DNAH14: variants seen among roughly 807,000 people sequenced by gnomAD.
The protein encoded by DNAH14 is dynein axonemal heavy chain 14, also known as axonemal beta dynein heavy chain 14.
In DNAH14, 478 loss-of-function variants were observed where a neutral mutation model predicts 520.9. The ratio of observed to expected loss-of-function variants is 0.92; its 90% confidence interval spans 0.85 to 0.99. DNAH14 has a LOEUF of 0.99. DNAH14 is among the 50% of genes least tolerant of loss of function. The pLI, the probability that DNAH14 is intolerant of heterozygous loss-of-function variation, is 0.00. For synonymous variants in DNAH14, 1,581 were observed against 1,757.2 expected (o/e 0.90, Z 2.51); for missense variants, 4,831 against 5,234.5 (o/e 0.92, Z 2.38).
intron 81 of DNAH14, among the ~76,000 whole-genome samples, chr1:225,385,669 C>T (rs1268786202): frequency 6.6e-6 from 1 of 152,164 alleles, no homozygotes; most frequent in Non-Finnish European, 1.5e-5. Context: ...ATCCAACTTA[C>T]AAGGGATGTG....
chr1:225,377,433 T>C lies in DNAH14; in HGVS notation c.12713T>C (p.Ile4238Thr), dbSNP rs1575104251. The C allele has an allele frequency of 6.5e-7, 1 of 1,548,884 alleles. No individual in the cohort carries two copies. Among genetic ancestry groups the C allele is most frequent in the Non-Finnish European group, 8.7e-7 (1 of 1,145,814 alleles). Reference protein sequence around the residue: ...QPKTTTANLMIRPEQSKDELV... With the variant: ...QPKTTTANLMTRPEQSKDELV... ...AAAACTACCACTGCCAACCTCATGA[T>C]CAGGTAAGAACTCGCTAGGAAAAAT... Residue 4238 changes from isoleucine (I) to threonine (T), a missense_variant, in exon 79 of 86, where the codon ATC (isoleucine) becomes ACC (threonine). Coordinates refer to ENST00000682510, the MANE Select transcript of DNAH14 (RefSeq NM_001367479.1).
intron 27 of DNAH14, among the ~76,000 whole-genome samples, chr1:225,137,043 CT>C (rs2079010388): frequency 6.6e-6 from 1 of 152,156 alleles, no homozygotes; most frequent in African/African-American, 2.4e-5. Context: ...TGGCTATCAG[CT>C]CCTGCATTGT....
At position 225,123,558 on chromosome 1, in the gene DNAH14, T is replaced by G. The variant is rs138192112; in HGVS notation, c.4198T>G (p.Cys1400Gly). Residue 1400 changes from cysteine (C) to glycine (G), a missense_variant, in exon 27 of 86, where the codon TGC becomes GGC. By Grantham distance (159) the Cys-to-Gly change is radical. Transcript: ENST00000682510. ...AAGTCAAGGGATTGAAGACTGGAACTGCCAGATGTTTTCCCAATGGGTGTT... is the reference window on the plus strand; with the variant it reads ...AAGTCAAGGGATTGAAGACTGGAACGGCCAGATGTTTTCCCAATGGGTGTT... Reference protein sequence around the residue: ...FLSQGIEDWNCQMFSQWVLSH... With the variant: ...FLSQGIEDWNGQMFSQWVLSH... 19 of 436,280 alleles carry G rather than the reference T, an allele frequency of 4.4e-5. No individual in the cohort carries two copies. In the East Asian group the frequency reaches 1.4e-3, roughly 32 times the overall value. The allele number at this position is 436,280 out of a possible 1,614,324, so 27.0% of individuals were successfully genotyped here. A position where few individuals can be genotyped will look rare whatever the true frequency, so the allele number is the denominator to read the frequency against.
At chr1:225,129,513 G>T (rs1031684748) in intron 27 of DNAH14, among the ~76,000 whole-genome samples, 1 of 151,830 alleles carries the variant, frequency 6.6e-6, no homozygotes, top group South Asian at 2.1e-4. Flanking sequence ...AAATAATGCC[G>T]CATATCTACA....
chr1:225,147,830 C>T (rs762074922), intron 31 of DNAH14, among the ~76,000 whole-genome samples: 3 of 152,154 alleles, frequency 2.0e-5, no homozygotes, highest in Non-Finnish European at 4.4e-5. Flanking sequence ...TTGTTCCTCA[C>T]TATAAGTCCA....
intron 16 of DNAH14, 129 bp downstream of exon 16, chr1:225,050,505 T>G: frequency 1.0e-6 from 1 of 970,962 alleles, no homozygotes; most frequent in African/African-American, 1.7e-5. Flanking sequence ...ATTTCCAGCT[T>G]ATCTCCCCAT....
intron 84 of DNAH14, among the ~76,000 whole-genome samples, chr1:225,394,894 C>G (rs1449573475): frequency 1.3e-5 from 2 of 150,772 alleles, no homozygotes; most frequent in African/African-American, 4.9e-5. Context: ...GAGGTGAGAT[C>G]AAAGTTCTTT....
At chr1:225,229,771 T>TG (rs1469905978) in intron 41 of DNAH14, among the ~76,000 whole-genome samples, 1 of 147,256 alleles carries the variant, frequency 6.8e-6, no homozygotes, top group African/African-American at 2.5e-5. Context: ...CTGTCAGGGG[T>TG]GGGGGTCAAG....
At chr1:224,960,622 A>G (rs1171105733) in intron 4 of DNAH14, among the ~76,000 whole-genome samples, 1 of 152,092 alleles carries the variant, frequency 6.6e-6, no homozygotes, top group African/African-American at 2.4e-5. Flanking sequence ...ATTTCATTTT[A>G]TTTAACAATT....
intron 36 of DNAH14, among the ~76,000 whole-genome samples, chr1:225,176,968 G>A (rs1475820660): frequency 6.6e-6 from 1 of 152,162 alleles, no homozygotes; most frequent in South Asian, 2.1e-4. Flanking sequence ...TTTGGATCTG[G>A]GTAACAGGCA....
At chr1:225,144,893 T>TTG (rs71943763) in intron 29 of DNAH14, among the ~76,000 whole-genome samples, 7,192 of 149,080 alleles carry the variant, frequency 0.048, 242 homozygotes, top group Non-Finnish European at 0.074. Context: ...ATTAATATCA[T>TTG]TGTGTGTGTG....
At chr1:225,001,616 T>G (rs2063780721) in intron 8 of DNAH14, among the ~76,000 whole-genome samples, 1 of 152,128 alleles carries the variant, frequency 6.6e-6, no homozygotes, top group African/African-American at 2.4e-5. Context: ...ACCCTCCCCA[T>G]TTTCATATCT....
At chr1:225,331,102 G>A (rs2094787171) in intron 64 of DNAH14, among the ~76,000 whole-genome samples, 1 of 151,958 alleles carries the variant, frequency 6.6e-6, no homozygotes, top group East Asian at 1.9e-4. Flanking sequence ...GTGAAAAGAA[G>A]TTCAACCATT....
rs2089999269 is a variant in DNAH14 at position 225,221,000 on chromosome 1, A to G, written c.6440-10073A>G. 2.6e-5 allele frequency among the ~76,000 whole-genome samples: 4 copies of G among 152,144 alleles called. No individual in the cohort carries two copies. In the South Asian group the frequency reaches 8.3e-4, roughly 32 times the overall value. On this transcript the variant is annotated intron_variant, in intron 41 of 85. Transcript: ENST00000682510. ...GAACAGAAGCCTCAGAAATAACACC[A>G]CACATCTACAACCAGCTGATCTTCG...
chr1:225,347,941 TA>T (rs754485525), intron 71 of DNAH14, among the ~76,000 whole-genome samples: 6 of 152,050 alleles, frequency 3.9e-5, no homozygotes, highest in Non-Finnish European at 8.8e-5. Context: ...CTCAATGAGC[TA>T]AAATAAATAA....
chr1:225,370,290 AAAAC>A (rs1019165858), intron 77 of DNAH14, among the ~76,000 whole-genome samples: 6 of 150,670 alleles, frequency 4.0e-5, no homozygotes, highest in Admixed American at 1.3e-4. Context: ...TCAAAAACAA[AAAAC>A]AAACAAACAA....
Position 225,334,318 on chromosome 1 carries a change from G to A in DNAH14, c.10080+812G>A, listed in dbSNP as rs559988976. Among the ~76,000 whole-genome samples the A allele has an allele frequency of 4.6e-5, 7 of 152,086 alleles. No individual in the cohort carries two copies. In the South Asian group the frequency reaches 1.0e-3, roughly 23 times the overall value. On this transcript the variant is annotated intron_variant, in intron 66 of 85. Transcript: ENST00000682510. ...CCAACCTGGACAATGTAGCAAGACC[G>A]TGTCTAAAAAAAAATTAAAAAATTA...
chr1:225,171,964 A>T (rs1361607423), intron 36 of DNAH14, among the ~76,000 whole-genome samples: 2 of 152,234 alleles, frequency 1.3e-5, no homozygotes, highest in African/African-American at 4.8e-5. Context: ...GGTTCATCAT[A>T]CACAAATCAA....
At chr1:225,313,051 G>A (rs761422583) in intron 60 of DNAH14, among the ~76,000 whole-genome samples, 4 of 152,090 alleles carry the variant, frequency 2.6e-5, no homozygotes, top group Non-Finnish European at 4.4e-5. Flanking sequence ...GGTAGAATTC[G>A]GCTGTTAATC....
Sources: allele counts gnomAD v4.1 joint callset (sites outside exome capture counted in the v4.1 genomes callset), GRCh38; gene constraint gnomAD v4.1.1; transcripts MANE v1.5; gene names NCBI Gene and HGNC (gene_info 2026-07-23, HGNC 2026-07-21).